The following PALB2 variants were observed in gnomAD, a reference collection of about 807,000 sequenced individuals.
PALB2 encodes mutant partner and localizer of BRCA2.
A neutral mutation model predicts 107.4 loss-of-function variants in PALB2; 82 were observed. The ratio of observed to expected loss-of-function variants is 0.76; its 90% CI spans 0.64 to 0.92. PALB2 has a LOEUF of 0.92. Ranked by LOEUF, PALB2 falls within the 40% of genes least tolerant of loss-of-function variation. The pLI, the probability that PALB2 is intolerant of heterozygous loss-of-function variation, is 0.00. For missense variants in PALB2, 1,374 were observed against 1,379.9 expected, an observed-to-expected ratio of 1.00 and a Z score of 0.07; for synonymous variants, 489 against 496.8, an observed-to-expected ratio of 0.98 and a Z score of 0.21.
In PALB2 at chr16:23,630,464, T is replaced by C; in HGVS notation, c.1690A>G (p.Lys564Glu). 5 of 1,609,872 alleles carry C rather than the reference T, an allele frequency of 3.1e-6. No individual in the cohort carries two copies. Among genetic ancestry groups the C allele is most frequent in the Non-Finnish European group, 4.2e-6 (5 of 1,177,234 alleles). Reference protein sequence around the residue: ...EKLFIQVKGKKSRHQKEDSLS... With the variant: ...EKLFIQVKGKESRHQKEDSLS... ...GAATCCTCTTTTTGATGACGACTTTTCTTCCCTAAAGAAGAAAAATAAGTC... is the reference window on the plus strand; with the variant it reads ...GAATCCTCTTTTTGATGACGACTTTCCTTCCCTAAAGAAGAAAAATAAGTC... Residue 564 changes from lysine (K) to glutamate (E), a missense_variant, in exon 5 of 13, where the codon AAA (lysine) becomes GAA (glutamate). Transcript: ENST00000261584.
At chr16:23,619,528 G>A (rs2142319176) in intron 10 of PALB2, among the ~76,000 whole-genome samples, 1 of 151,814 alleles carries the variant, frequency 6.6e-6, no homozygotes, top group African/African-American at 2.4e-5. Context: ...ATCTTTAGTA[G>A]AGATGGGGTA....
In PALB2 at chr16:23,623,045, T is replaced by C. The variant is rs1418709183; in HGVS notation, c.2920A>G (p.Lys974Glu). ...GNIKAVLGLT[K>E]RRLVSSSGTL... ...CCACTGCTACTAACTAGCCTCCTCT[T>C]TGTCAGGCCAAGCACAGCTTTTATA... The change falls in exon 9 of 13, where the codon AAG becomes GAG. Residue 974 changes from lysine (K) to glutamate (E), a missense_variant. By Grantham distance (56) the Lys-to-Glu change is moderately conservative. Coordinates refer to ENST00000261584, the MANE Select transcript of PALB2 (RefSeq NM_024675.4). 10 of 1,614,008 alleles carry C rather than the reference T, an allele frequency of 6.2e-6. No homozygotes were observed. The highest frequency in any genetic ancestry group is 4.0e-5 in the African/African-American group (3 of 74,920).
intron 4 of PALB2, 86 bp downstream of exon 4, chr16:23,634,776 A>G: frequency 6.5e-7 from 1 of 1,527,268 alleles, no homozygotes; most frequent in Non-Finnish European, 8.8e-7. Context: ...CACTTTTTAG[A>G]AAAGAAAGAA....
chr16:23,606,359 C>T (rs554341457), intron 12 of PALB2, among the ~76,000 whole-genome samples: 28 of 151,710 alleles, frequency 1.8e-4, no homozygotes, highest in East Asian at 3.9e-4. Flanking sequence ...GAGCTGAGAT[C>T]GTGCCACTGC....
rs773179377 is a variant in PALB2, at chr16:23,637,827, A to G, written c.211+23T>C. 4.5e-6 allele frequency: 7 copies of G among 1,557,432 alleles called. No homozygotes were observed. The Admixed American group carries it at 5.0e-5, about 11-fold the overall frequency. The stretch of plus-strand genomic sequence containing the variant: ...CTGGGAAATGAATAATAAAGCAGGC[A>G]TAAGTGAATGGTCTAGATTTACCTG... On this transcript the variant is annotated intron_variant, in intron 3 of 12. Coordinates refer to ENST00000261584, the MANE Select transcript of PALB2 (RefSeq NM_024675.4).
chr16:23,627,239 G>A (rs1458301014), intron 6 of PALB2, among the ~76,000 whole-genome samples: 1 of 152,012 alleles, frequency 6.6e-6, no homozygotes, highest in South Asian at 2.1e-4. Context: ...TGTAATCCCA[G>A]CACTTTGGGA....
intron 1 of PALB2, 22 bp from the exon 2 acceptor site, chr16:23,638,151 C>CA: frequency 6.2e-7 from 1 of 1,601,374 alleles, no homozygotes. Context: ...AAAACACCAA[C>CA]AATACTGGGC....
At chr16:23,623,639 G>T (rs1966816442) in intron 8 of PALB2, among the ~76,000 whole-genome samples, 1 of 149,334 alleles carries the variant, frequency 6.7e-6, no homozygotes, top group African/African-American at 2.5e-5. Flanking sequence ...TCAGCCTCCT[G>T]AGTAGCTGGG....
chr16:23,619,491 T>C (rs1966736854), intron 10 of PALB2, among the ~76,000 whole-genome samples: 1 of 151,554 alleles, frequency 6.6e-6, no homozygotes, highest in Non-Finnish European at 1.5e-5. Context: ...GCCTGGCTAA[T>C]TTTTGTGTCT....
chr16:23,630,492 A>C, intron 4 of PALB2, 23 bp from the exon 5 acceptor site: 1 of 1,556,394 alleles, frequency 6.4e-7, no homozygotes, highest in Non-Finnish European at 8.8e-7. Flanking sequence ...AATAAGTCAC[A>C]AAATAGTAAC....
intron 12 of PALB2, among the ~76,000 whole-genome samples, chr16:23,604,477 C>A (rs1395744092): frequency 6.6e-6 from 1 of 152,206 alleles, no homozygotes; most frequent in Non-Finnish European, 1.5e-5. Flanking sequence ...TAAAAATTAG[C>A]TATTATTAGC....
intron 10 of PALB2, among the ~76,000 whole-genome samples, chr16:23,616,548 T>C (rs1966687421): frequency 6.6e-6 from 1 of 152,180 alleles, no homozygotes; most frequent in East Asian, 1.9e-4. Flanking sequence ...ACTGAAATTG[T>C]AGGCTTTGAT....
chr16:23,604,993 G>T, intron 12 of PALB2, among the ~76,000 whole-genome samples: 1 of 151,992 alleles, frequency 6.6e-6, no homozygotes, highest in East Asian at 1.9e-4. Context: ...AGGATCGCTT[G>T]AACCTGGGAG....
intron 11 of PALB2, among the ~76,000 whole-genome samples, chr16:23,611,551 TG>T (rs1424202774): frequency 2.7e-4 from 41 of 151,904 alleles, no homozygotes; most frequent in African/African-American, 9.4e-4. Flanking sequence ...CTCTGCCCCC[TG>T]GGTTCAAGCA....
rs781352462 is a variant in PALB2, at chr16:23,630,145, T to C, written c.2009A>G (p.Asp670Gly). Reference protein sequence around the residue: ...SPKRMDTEMEDLEEDLIVLPG... With the variant: ...SPKRMDTEMEGLEEDLIVLPG... ...TAGAACAATAAGGTCCTCTTCTAAGTCCTCCATTTCTGTATCCATGCGTTT... is the reference window on the plus strand; with the variant it reads ...TAGAACAATAAGGTCCTCTTCTAAGCCCTCCATTTCTGTATCCATGCGTTT... Residue 670 changes from aspartate (D) to glycine (G), a missense_variant, in exon 5 of 13, where the codon GAC becomes GGC. Coordinates refer to ENST00000261584, the MANE Select transcript of PALB2 (RefSeq NM_024675.4). 4 of 1,614,158 alleles carry C rather than the reference T, an allele frequency of 2.5e-6. No individual in the cohort carries two copies. The South Asian group carries it at 3.3e-5, about 13-fold the overall frequency.
At chr16:23,618,436 G>A (rs1209553154) in intron 10 of PALB2, among the ~76,000 whole-genome samples, 2 of 152,178 alleles carry the variant, frequency 1.3e-5, no homozygotes, top group Non-Finnish European at 2.9e-5. Flanking sequence ...AAAGGAGGAC[G>A]GCAGAGCTGG....
At chr16:23,636,438 TAAGA>T in intron 3 of PALB2, 104 bp from the exon 4 acceptor site, 1 of 786,852 alleles carries the variant, frequency 1.3e-6, no homozygotes, top group East Asian at 2.9e-5. Flanking sequence ...AACATTTATT[TAAGA>T]AAGAATCAGT....
rs1435834380 is a variant in PALB2, at chr16:23,617,967, G to GA, written c.3113+3394dup. ...AGTCCAAAAGTTCAAGACCAGCCTG[G>GA]AAAAAATAGCAAGACCCTGCCTCTA... On this transcript the variant is annotated intron_variant, in intron 10 of 12. Transcript: ENST00000261584. 3 of 151,906 alleles carry GA rather than the reference G, an allele frequency of 2.0e-5. No individual in the cohort carries two copies. The East Asian group carries it at 5.8e-4, about 29-fold the overall frequency. 9.4% of individuals were successfully genotyped at this position (151,906 alleles called of 1,614,324 possible). A position where few individuals can be genotyped will look rare whatever the true frequency, so the allele number is the denominator to read the frequency against.
At chr16:23,636,385 CA>C (rs1016465463) in intron 3 of PALB2, 51 bp from the exon 4 acceptor site, 10 of 1,230,964 alleles carry the variant, frequency 8.1e-6, no homozygotes, top group African/African-American at 1.5e-5. Context: ...TAAAATAAAA[CA>C]AAAAATACTC....
Sources: allele counts gnomAD v4.1 joint callset (sites outside exome capture counted in the v4.1 genomes callset), GRCh38; gene constraint gnomAD v4.1.1; transcripts MANE v1.5; gene names NCBI Gene and HGNC (gene_info 2026-07-23, HGNC 2026-07-21).